The following RAD21 variants were observed in gnomAD, a reference collection of about 807,000 sequenced individuals.
The protein encoded by RAD21 is RAD21 cohesin complex component.
Under a neutral mutation model 71.5 loss-of-function variants are expected in RAD21, and 18 were observed. The ratio of observed to expected loss-of-function variants is 0.25; its 90% confidence interval spans 0.17 to 0.37. RAD21 has a LOEUF of 0.37. RAD21 is among the 10% of genes least tolerant of loss of function. RAD21 has a pLI of 1.00. For synonymous variants in RAD21, 248 were observed against 254.0 expected (o/e 0.98, Z 0.22); for missense variants, 493 against 769.1 (o/e 0.64, Z 4.25).
chr8:116,858,608 A>G, intron 4 of RAD21, 150 bp from the exon 5 acceptor site: 1 of 517,248 alleles, frequency 1.9e-6, no homozygotes, highest in Non-Finnish European at 3.4e-6. Context: ...CACACATTCC[A>G]GTACAATCCA....
intron 1 of RAD21, chr8:116,867,100 A>G (rs1360001163): frequency 1.3e-5 from 2 of 157,980 alleles, no homozygotes; most frequent in African/African-American, 2.4e-5. Flanking sequence ...TCATGGCAAG[A>G]AAAGAAAATC....
intron 4 of RAD21, among the ~76,000 whole-genome samples, chr8:116,860,860 T>C (rs1012111189): frequency 7.2e-5 from 11 of 152,102 alleles, no homozygotes; most frequent in Non-Finnish European, 1.3e-4. Context: ...TATCGAACTA[T>C]TACAGATGAA....
At chr8:116,860,760 G>T (rs570683049) in intron 4 of RAD21, among the ~76,000 whole-genome samples, 3 of 152,210 alleles carry the variant, frequency 2.0e-5, no homozygotes, top group East Asian at 3.9e-4. Flanking sequence ...TATCTCCAAG[G>T]TATGTCTATA....
rs771288656 is a variant in RAD21, at chr8:116,866,771, G to A, written c.-32-10C>T. 5.8e-5 allele frequency: 87 copies of A among 1,499,066 alleles called. No individual in the cohort carries two copies. The highest frequency in any genetic ancestry group is 7.6e-5 in the Non-Finnish European group (86 of 1,124,406). 92.9% of individuals were successfully genotyped at this position (1,499,066 alleles called of 1,614,324 possible). A position where few individuals can be genotyped will look rare whatever the true frequency, so the allele number is the denominator to read the frequency against. On this transcript the variant is annotated splice_polypyrimidine_tract_variant and intron_variant, in intron 1 of 13. Transcript: ENST00000297338. The stretch of plus-strand genomic sequence containing the variant: ...GAAAACAGAAGAAAACCTAAGAGGG[G>A]AAAAAAAAGTTAATGTAAACATCAT...
intron 4 of RAD21, among the ~76,000 whole-genome samples, chr8:116,860,662 C>T (rs17435846): frequency 0.029 from 4,459 of 152,226 alleles, 89 homozygotes; most frequent in Middle Eastern, 0.078. Flanking sequence ...TAATAGACTA[C>T]AGTACAGTGT....
At chr8:116,865,065 G>A (rs1275498678) in intron 2 of RAD21, among the ~76,000 whole-genome samples, 4 of 152,052 alleles carry the variant, frequency 2.6e-5, no homozygotes, top group East Asian at 1.9e-4. Context: ...TTTCAGGCCC[G>A]TTCACTCTGT....
At chr8:116,858,720 AG>A (rs1233969824) in intron 4 of RAD21, among the ~76,000 whole-genome samples, 1 of 152,122 alleles carries the variant, frequency 6.6e-6, no homozygotes, top group African/African-American at 2.4e-5. Flanking sequence ...TCAAGTACAG[AG>A]GAAAAAATTA....
chr8:116,869,235 T>C (rs1328395695), intron 1 of RAD21, among the ~76,000 whole-genome samples: 1 of 151,942 alleles, frequency 6.6e-6, no homozygotes, highest in Non-Finnish European at 1.5e-5. Flanking sequence ...ATATAGAATA[T>C]GTAAAGAATT....
chr8:116,868,128 G>A (rs1302008202), intron 1 of RAD21, among the ~76,000 whole-genome samples: 1 of 152,098 alleles, frequency 6.6e-6, no homozygotes, highest in Admixed American at 6.5e-5. Flanking sequence ...CTGCAGCCTT[G>A]AACTCCTAGG....
chr8:116,865,252 A>C (rs1039385802), intron 2 of RAD21, among the ~76,000 whole-genome samples: 1 of 152,070 alleles, frequency 6.6e-6, no homozygotes, highest in African/African-American at 2.4e-5. Flanking sequence ...AGATTGTCTC[A>C]TACTCGTTTG....
intron 1 of RAD21, among the ~76,000 whole-genome samples, chr8:116,873,894 CAGAA>C (rs1406469552): frequency 6.6e-6 from 1 of 152,198 alleles, no homozygotes; most frequent in African/African-American, 2.4e-5. Flanking sequence ...AAAGAATGAT[CAGAA>C]AAGTTCAGGG....
chr8:116,860,842 G>A (rs1016033509), intron 4 of RAD21, among the ~76,000 whole-genome samples: 1 of 152,048 alleles, frequency 6.6e-6, no homozygotes, highest in Non-Finnish European at 1.5e-5. Context: ...TTACCTCTAA[G>A]AGACAAATAT....
At chr8:116,863,079 G>GA in intron 3 of RAD21, 51 bp downstream of exon 3, 1 of 1,548,538 alleles carries the variant, frequency 6.5e-7, no homozygotes, top group Non-Finnish European at 8.7e-7. Context: ...AAAAACATGA[G>GA]AAACTCCAAA....
At chr8:116,872,976 T>A (rs1367231998) in intron 1 of RAD21, among the ~76,000 whole-genome samples, 1 of 152,202 alleles carries the variant, frequency 6.6e-6, no homozygotes, top group Non-Finnish European at 1.5e-5. Flanking sequence ...AACTATAAAC[T>A]GGGATAATAT....
At chr8:116,861,165 G>A (rs1047994546) in intron 4 of RAD21, among the ~76,000 whole-genome samples, 4 of 152,028 alleles carry the variant, frequency 2.6e-5, no homozygotes, top group Non-Finnish European at 5.9e-5. Context: ...CTAATTAGAA[G>A]CCACAGATCA....
chr8:116,870,646 C>T (rs1352567498), intron 1 of RAD21, among the ~76,000 whole-genome samples: 1 of 152,160 alleles, frequency 6.6e-6, no homozygotes, highest in African/African-American at 2.4e-5. Context: ...AACATAGCAG[C>T]ATGTTCTGAG....
intron 1 of RAD21, 148 bp downstream of exon 1, chr8:116,874,463 G>A (rs994626532): frequency 9.6e-6 from 2 of 208,962 alleles, no homozygotes; most frequent in Non-Finnish European, 1.9e-5. Context: ...TGGGCGCCGG[G>A]AGGGTGGCAG....
intron 1 of RAD21, 41 bp from the exon 2 acceptor site, chr8:116,866,802 A>T (rs1812703518): frequency 7.3e-7 from 1 of 1,374,170 alleles, no homozygotes; most frequent in South Asian, 1.7e-5. Flanking sequence ...ATCATCTGAC[A>T]ATTTAAATAC....
chr8:116,848,065 T>C (rs1465371475), intron 13 of RAD21, among the ~76,000 whole-genome samples: 1 of 152,102 alleles, frequency 6.6e-6, no homozygotes, highest in East Asian at 1.9e-4. Flanking sequence ...TGCTGGTGCT[T>C]TGCTTCTTGT....
Sources: allele counts gnomAD v4.1 joint callset (sites outside exome capture counted in the v4.1 genomes callset), GRCh38; gene constraint gnomAD v4.1.1; transcripts MANE v1.5; gene names NCBI Gene and HGNC (gene_info 2026-07-23, HGNC 2026-07-21).